The following MGAT4A variants were observed in gnomAD, a reference collection of about 807,000 sequenced individuals.
MGAT4A encodes the protein N-acetylglucosaminyltransferase IVa.
In MGAT4A, 33 loss-of-function variants were observed where a neutral mutation model predicts 74.1. That is an observed-to-expected ratio of 0.45 (90% CI 0.34 to 0.60). MGAT4A has a LOEUF of 0.60. Among genes scored for constraint, MGAT4A ranks in the 20% least tolerant of loss-of-function variants. The pLI is 0.02. For synonymous variants in MGAT4A, 198 were observed against 210.4 expected, an observed-to-expected ratio of 0.94 and a Z score of 0.51; for missense variants, 479 against 628.3, an observed-to-expected ratio of 0.76 and a Z score of 2.54.
At chr2:98,716,813 T>C (rs1702599119) in intron 2 of MGAT4A, among the ~76,000 whole-genome samples, 1 of 152,222 alleles carries the variant, frequency 6.6e-6, no homozygotes, top group African/African-American at 2.4e-5. Context: ...TCTTGTATAC[T>C]TTAAATCATC....
At chr2:98,636,838 C>T (rs1045853975) in intron 12 of MGAT4A, among the ~76,000 whole-genome samples, 2 of 152,142 alleles carry the variant, frequency 1.3e-5, no homozygotes, top group Non-Finnish European at 2.9e-5. Context: ...ATTATGTTTG[C>T]TGCTTAACAT....
chr2:98,632,881 T>C, intron 14 of MGAT4A, among the ~76,000 whole-genome samples: 1 of 152,218 alleles, frequency 6.6e-6, no homozygotes, highest in East Asian at 1.9e-4. Context: ...AGCCTCAGCC[T>C]ACTAAGTAGC....
rs7570053 is a variant in MGAT4A at position 98,718,828 on chromosome 2, C to T, written c.94+7411G>A. On this transcript the variant is annotated intron_variant, in intron 2 of 15. Transcript: ENST00000393487. ...TAGGGCCCTGACAGCCCTTCCTGGG[C>T]TTGTAAGGCAGTGGTTCCACCCCTG... 2.8e-3 allele frequency among the ~76,000 whole-genome samples: 429 copies of T among 152,324 alleles called. 2 individuals are homozygous for T. The highest frequency in any genetic ancestry group is 9.9e-3 in the African/African-American group (411 of 41,566).
At chr2:98,635,931 T>C (rs1701312057) in intron 13 of MGAT4A, among the ~76,000 whole-genome samples, 1 of 150,588 alleles carries the variant, frequency 6.6e-6, no homozygotes, top group African/African-American at 2.4e-5. Flanking sequence ...GAGGTTGCAG[T>C]GAGCCAAGAT....
chr2:98,682,346 C>T (rs1702071014), intron 2 of MGAT4A, among the ~76,000 whole-genome samples: 1 of 138,680 alleles, frequency 7.2e-6, no homozygotes, highest in Non-Finnish European at 1.5e-5. Context: ...CGCTTGAACC[C>T]GGGAGGCAGA....
At chr2:98,713,450 T>TA (rs796083746) in intron 2 of MGAT4A, among the ~76,000 whole-genome samples, 2,167 of 126,790 alleles carry the variant, frequency 0.017, 20 homozygotes, top group Middle Eastern at 0.053. Flanking sequence ...AATCTAATCT[T>TA]AAAAAAAAAA....
intron 7 of MGAT4A, 73 bp downstream of exon 7, chr2:98,656,279 C>T (rs1324423399): frequency 5.5e-6 from 6 of 1,087,968 alleles, no homozygotes; most frequent in African/African-American, 3.2e-5. Context: ...TTTTCAGCTT[C>T]GATAAATAAA....
chr2:98,682,709 C>CATT (rs141484597), intron 2 of MGAT4A, among the ~76,000 whole-genome samples: 35,918 of 152,038 alleles, frequency 0.24, 5,001 homozygotes, highest in Non-Finnish European at 0.32. Flanking sequence ...GGACACCCCT[C>CATT]ATGTGGGATT....
chr2:98,700,301 C>A (rs1487326703), intron 2 of MGAT4A, among the ~76,000 whole-genome samples: 1 of 148,398 alleles, frequency 6.7e-6, no homozygotes, highest in East Asian at 1.9e-4. Flanking sequence ...CTTTAGTTGA[C>A]TATATATATA....
chr2:98,717,902 G>A (rs960897888), intron 2 of MGAT4A, among the ~76,000 whole-genome samples: 2 of 152,178 alleles, frequency 1.3e-5, no homozygotes, highest in African/African-American at 2.4e-5. Context: ...TGATGACGGC[G>A]TATTCCAAGT....
Position 98,625,247 on chromosome 2 carries a change from A to G in MGAT4A, c.*319T>C, listed in dbSNP as rs1477930128. 7.4e-6 allele frequency: 7 copies of G among 947,384 alleles called. No homozygotes were observed. The highest frequency in any genetic ancestry group is 1.8e-5 in the African/African-American group (1 of 56,568). 58.7% of individuals were successfully genotyped at this position (947,384 alleles called of 1,614,324 possible). ...ACCCCCTTCATAAAATGTATGTAACATTAGTTTTTCTCAAATTTAAAGAAT... is the reference window on the plus strand; with the variant it reads ...ACCCCCTTCATAAAATGTATGTAACGTTAGTTTTTCTCAAATTTAAAGAAT... On this transcript the variant is annotated 3_prime_UTR_variant, in exon 16 of 16. Coordinates refer to ENST00000393487, the MANE Select transcript of MGAT4A (RefSeq NM_012214.3).
intron 2 of MGAT4A, among the ~76,000 whole-genome samples, chr2:98,707,492 T>G (rs1010655232): frequency 1.3e-5 from 2 of 152,176 alleles, no homozygotes; most frequent in African/African-American, 4.8e-5. Flanking sequence ...CAATAGCCAC[T>G]TTCTCGTCCT....
intron 2 of MGAT4A, among the ~76,000 whole-genome samples, chr2:98,701,934 T>C (rs1702360781): frequency 6.6e-6 from 1 of 152,166 alleles, no homozygotes; most frequent in South Asian, 2.1e-4. Context: ...CAGAATTACC[T>C]AGGGGCACGT....
chr2:98,729,806 T>C (rs1266658776), intron 1 of MGAT4A, among the ~76,000 whole-genome samples: 1 of 152,214 alleles, frequency 6.6e-6, no homozygotes, highest in Non-Finnish European at 1.5e-5. Flanking sequence ...GACTTAAGAA[T>C]GAAAGGCACA....
chr2:98,729,726 C>T (rs756283580), intron 1 of MGAT4A, among the ~76,000 whole-genome samples: 7 of 152,042 alleles, frequency 4.6e-5, no homozygotes, highest in Non-Finnish European at 8.8e-5. Flanking sequence ...CAATATAGTC[C>T]ACGGCTGAGA....
chr2:98,657,638 CA>C (rs1251680544), intron 6 of MGAT4A, among the ~76,000 whole-genome samples: 9 of 151,790 alleles, frequency 5.9e-5, no homozygotes, highest in African/African-American at 1.7e-4. Flanking sequence ...CTTTTAGGGA[CA>C]AAAAACAGAT....
intron 3 of MGAT4A, among the ~76,000 whole-genome samples, chr2:98,676,867 T>C (rs541936600): frequency 2.6e-4 from 40 of 152,326 alleles, no homozygotes; most frequent in Non-Finnish European, 4.7e-4. Context: ...TAGAAATCAC[T>C]TGGCATCAGG....
chr2:98,641,110 G>A (rs1002452955), intron 10 of MGAT4A, among the ~76,000 whole-genome samples: 3 of 152,094 alleles, frequency 2.0e-5, no homozygotes, highest in South Asian at 2.1e-4. Flanking sequence ...TGGGCCTGGC[G>A]TGTGAAGGCT....
At chr2:98,642,727 T>G (rs895419771) in intron 10 of MGAT4A, among the ~76,000 whole-genome samples, 2 of 152,214 alleles carry the variant, frequency 1.3e-5, no homozygotes, top group African/African-American at 4.8e-5. Flanking sequence ...AGGACTGAGA[T>G]CTCTAAAAAA....
Sources: allele counts gnomAD v4.1 joint callset (sites outside exome capture counted in the v4.1 genomes callset), GRCh38; gene constraint gnomAD v4.1.1; transcripts MANE v1.5; gene names NCBI Gene and HGNC (gene_info 2026-07-23, HGNC 2026-07-21).